The following SVOPL variants were observed in gnomAD, a reference collection of about 807,000 sequenced individuals.
SVOPL encodes the protein putative transporter SVOPL.
Under a neutral mutation model 61.0 loss-of-function variants are expected in SVOPL, and 60 were observed. The ratio of observed to expected loss-of-function variants is 0.98; its 90% CI spans 0.80 to 1.22. The LOEUF (loss-of-function observed/expected upper bound fraction) is 1.22, where lower values mean the gene tolerates loss of function less well. Ranked by LOEUF, SVOPL falls within the 50% of genes most tolerant of loss-of-function variation. The probability of loss-of-function intolerance (pLI) is 0.00; values close to 1 mark genes in which losing one functional copy is unlikely to be tolerated. For missense variants in SVOPL, 662 were observed against 643.9 expected (o/e 1.03, Z -0.30); for synonymous variants, 279 against 250.0 (o/e 1.12, Z -1.09).
intron 4 of SVOPL, among the ~76,000 whole-genome samples, chr7:138,668,877 G>C (rs1487411830): frequency 2.0e-5 from 3 of 152,106 alleles, no homozygotes; most frequent in African/African-American, 7.2e-5. Context: ...TGACCTCAAG[G>C]CCTCTGCCAC....
intron 1 of SVOPL, among the ~76,000 whole-genome samples, chr7:138,680,464 C>T (rs1324316260): frequency 6.6e-6 from 1 of 151,510 alleles, no homozygotes; most frequent in Non-Finnish European, 1.5e-5. Flanking sequence ...TTTTTAACCT[C>T]GCCTTTTTGC....
chr7:138,650,236 G>A (rs192434761), intron 7 of SVOPL, among the ~76,000 whole-genome samples: 4 of 152,264 alleles, frequency 2.6e-5, no homozygotes, highest in Admixed American at 2.6e-4. Context: ...ACTGATGGAC[G>A]TTTCGACTGA....
chr7:138,698,488 C>T (rs76890885), intron 1 of SVOPL, among the ~76,000 whole-genome samples: 2,595 of 152,156 alleles, frequency 0.017, 60 homozygotes, highest in African/African-American at 0.054. Context: ...AATTGAAAGA[C>T]GGAAACTTTG....
chr7:138,609,725 G>A (rs1429754805), intron 14 of SVOPL, among the ~76,000 whole-genome samples: 1 of 150,694 alleles, frequency 6.6e-6, no homozygotes, highest in East Asian at 2.0e-4. Flanking sequence ...TTTTTGGGGG[G>A]GGTGGGGGCG....
intron 6 of SVOPL, 126 bp downstream of exon 6, chr7:138,659,738 G>A (rs1288014131): frequency 1.0e-6 from 1 of 977,878 alleles, no homozygotes; most frequent in East Asian, 2.7e-5. Flanking sequence ...CTTTCTAAAT[G>A]GACTGAAACC....
At chr7:138,690,637 G>A (rs1419928054) in intron 1 of SVOPL, among the ~76,000 whole-genome samples, 1 of 152,146 alleles carries the variant, frequency 6.6e-6, no homozygotes. Context: ...GGGAGGAGGA[G>A]AGTAGGGAGT....
chr7:138,686,355 G>A (rs900446962), intron 1 of SVOPL, among the ~76,000 whole-genome samples: 8 of 144,880 alleles, frequency 5.5e-5, no homozygotes, highest in Non-Finnish European at 7.4e-5. Context: ...GCAGTTAGCC[G>A]AGATCGTGCC....
intron 1 of SVOPL, among the ~76,000 whole-genome samples, chr7:138,700,606 T>C (rs933738508): frequency 6.6e-6 from 1 of 152,124 alleles, no homozygotes; most frequent in African/African-American, 2.4e-5. Flanking sequence ...CCCAAAGTGC[T>C]GGGATTACAG....
At chr7:138,640,611 C>T (rs554569934) in intron 9 of SVOPL, among the ~76,000 whole-genome samples, 2 of 152,278 alleles carry the variant, frequency 1.3e-5, no homozygotes, top group South Asian at 4.1e-4. Flanking sequence ...ATGTCCTTTA[C>T]AACAACATGG....
intron 4 of SVOPL, among the ~76,000 whole-genome samples, chr7:138,671,072 T>C (rs1405523826): frequency 6.6e-6 from 1 of 152,230 alleles, no homozygotes; most frequent in Non-Finnish European, 1.5e-5. Context: ...GTAATATGTA[T>C]TTGTATCACA....
chr7:138,647,673 A>G (rs1801186922), intron 8 of SVOPL, among the ~76,000 whole-genome samples: 1 of 151,752 alleles, frequency 6.6e-6, no homozygotes, highest in African/African-American at 2.4e-5. Context: ...ACATGGTGAA[A>G]CCCCATCTCT....
intron 1 of SVOPL, among the ~76,000 whole-genome samples, chr7:138,690,460 G>A (rs1052050059): frequency 6.6e-6 from 1 of 152,182 alleles, no homozygotes; most frequent in Non-Finnish European, 1.5e-5. Flanking sequence ...ATATCATTCA[G>A]CAATAAGAAG....
chr7:138,667,218 C>T (rs559143572), intron 4 of SVOPL, among the ~76,000 whole-genome samples: 1 of 152,256 alleles, frequency 6.6e-6, no homozygotes, highest in African/African-American at 2.4e-5. Flanking sequence ...ACTAGCCATC[C>T]TTGAATAGCT....
At chr7:138,610,180 T>A (rs1798935986) in intron 14 of SVOPL, among the ~76,000 whole-genome samples, 1 of 152,216 alleles carries the variant, frequency 6.6e-6, no homozygotes, top group Non-Finnish European at 1.5e-5. Context: ...ACATGAAAAA[T>A]GTCTACAACA....
chr7:138,644,656 A>G lies in SVOPL; in HGVS notation c.789+61T>C, dbSNP rs529664608. On this transcript the variant is annotated intron_variant, in intron 9 of 15. Transcript: ENST00000674285. ...TCCCCCCTCCCTCCAGCCTTCCACA[A>G]CTGAGGGGATTTCCCAGTGGCCACT... is the stretch of plus-strand genomic sequence containing the variant. 5.2e-5 allele frequency: 83 copies of G among 1,592,196 alleles called. No homozygotes were observed. In the African/African-American group the frequency reaches 1.0e-3, roughly 19 times the overall value.
At chr7:138,640,317 T>C (rs543457796) in intron 9 of SVOPL, among the ~76,000 whole-genome samples, 4 of 152,104 alleles carry the variant, frequency 2.6e-5, no homozygotes, top group East Asian at 1.9e-4. Context: ...CCGCAATCTC[T>C]GCCTCCCGGG....
At chr7:138,597,709 A>T (rs184379769) in intron 14 of SVOPL, among the ~76,000 whole-genome samples, 1 of 151,758 alleles carries the variant, frequency 6.6e-6, no homozygotes, top group Admixed American at 6.6e-5. Context: ...CAGAAAAGGG[A>T]TAGAAACCAA....
intron 14 of SVOPL, among the ~76,000 whole-genome samples, chr7:138,601,246 C>A (rs1354435822): frequency 9.5e-6 from 1 of 104,958 alleles, no homozygotes; most frequent in Admixed American, 1.0e-4. Context: ...AGCGAGATTC[C>A]ATCTCAAAAA....
chr7:138,641,625 C>T (rs1311073962), intron 9 of SVOPL, among the ~76,000 whole-genome samples: 1 of 134,472 alleles, frequency 7.4e-6, no homozygotes, highest in Non-Finnish European at 1.5e-5. Context: ...GAGCCAAGAT[C>T]ATGCCACTAC....
Sources: allele counts gnomAD v4.1 joint callset (sites outside exome capture counted in the v4.1 genomes callset), GRCh38; gene constraint gnomAD v4.1.1; transcripts MANE v1.5; gene names NCBI Gene and HGNC (gene_info 2026-07-23, HGNC 2026-07-21).